GPR19: variants seen among roughly 807,000 people sequenced by gnomAD.
GPR19 encodes probable G protein-coupled receptor 19.
A neutral mutation model predicts 28.5 loss-of-function variants in GPR19; 14 were observed. The observed-to-expected ratio is 0.49, with a 90% CI of 0.32 to 0.77. GPR19 has a LOEUF of 0.77. Among genes scored for constraint, GPR19 ranks in the 30% least tolerant of loss-of-function variants. The pLI is 0.03. For synonymous variants in GPR19, 173 were observed against 184.1 expected, an observed-to-expected ratio of 0.94 and a Z score of 0.49; for missense variants, 409 against 504.1, an observed-to-expected ratio of 0.81 and a Z score of 1.81.
At chr12:12,690,688 T>C (rs1946167722) in intron 2 of GPR19, among the ~76,000 whole-genome samples, 1 of 152,198 alleles carries the variant, frequency 6.6e-6, no homozygotes, top group African/African-American at 2.4e-5. Flanking sequence ...TCACATGTCC[T>C]TATAAATTCA....
At chr12:12,672,254 A>G (rs1203923179) in intron 3 of GPR19, among the ~76,000 whole-genome samples, 4 of 152,208 alleles carry the variant, frequency 2.6e-5, no homozygotes, top group African/African-American at 9.7e-5. Flanking sequence ...TCGTGTTGGC[A>G]TCTCTTTGGG....
At chr12:12,685,283 G>A (rs967327078) in intron 2 of GPR19, among the ~76,000 whole-genome samples, 1 of 100,552 alleles carries the variant, frequency 9.9e-6, no homozygotes, top group Admixed American at 9.8e-5. Flanking sequence ...TTTTTTTGGT[G>A]GGGGGGAGGG....
At chr12:12,697,722 C>T (rs1008436648), upstream of GPR19, among the ~76,000 whole-genome samples, 7 of 152,180 alleles carry the variant, frequency 4.6e-5, no homozygotes, top group Admixed American at 6.5e-5. Flanking sequence ...TGTCCAGCAT[C>T]GGTCACAGAA....
chr12:12,681,394 T>C (rs1239425296), intron 3 of GPR19, among the ~76,000 whole-genome samples: 3 of 152,184 alleles, frequency 2.0e-5, no homozygotes, highest in African/African-American at 7.2e-5. Flanking sequence ...CCCTCACCTC[T>C]AGGTTGAAAT....
chr12:12,677,630 T>C (rs1945951738), intron 3 of GPR19, among the ~76,000 whole-genome samples: 1 of 152,212 alleles, frequency 6.6e-6, no homozygotes, highest in Non-Finnish European at 1.5e-5. Context: ...GGACAAATTA[T>C]GTGACTATAT....
At chr12:12,708,482 A>C in the GPR19 span, among the ~76,000 whole-genome samples, 3 of 152,138 alleles carry the variant, frequency 2.0e-5, no homozygotes, top group African/African-American at 7.2e-5. Flanking sequence ...TGTTTTGTGA[A>C]TAGTGCATTC....
intron 3 of GPR19, among the ~76,000 whole-genome samples, chr12:12,681,402 A>C (rs1008560737): frequency 2.6e-5 from 4 of 152,178 alleles, no homozygotes; most frequent in African/African-American, 9.7e-5. Context: ...TCTAGGTTGA[A>C]ATCATACTTG....
chr12:12,703,888 A>G, the GPR19 span, among the ~76,000 whole-genome samples: 1 of 152,204 alleles, frequency 6.6e-6, no homozygotes, highest in African/African-American at 2.4e-5. Flanking sequence ...CTGGGTGCTA[A>G]TTACCTACTT....
At chr12:12,711,837 T>A in the GPR19 span, among the ~76,000 whole-genome samples, 1 of 152,322 alleles carries the variant, frequency 6.6e-6, no homozygotes, top group East Asian at 1.9e-4. Context: ...TCTCTCTCAA[T>A]CCTCTTATAT....
the GPR19 span, among the ~76,000 whole-genome samples, chr12:12,708,024 C>G: frequency 1.3e-5 from 1 of 77,122 alleles, no homozygotes; most frequent in Non-Finnish European, 2.4e-5. Flanking sequence ...TTTTGAGATA[C>G]GGCCTAGCTC....
chr12:12,663,226 T>C lies in GPR19; in HGVS notation c.-22-756A>G, dbSNP rs999883014. Among the ~76,000 whole-genome samples the C allele has an allele frequency of 3.3e-5, 5 of 152,212 alleles. 1 individual carries two copies. Among genetic ancestry groups the C allele is most frequent in the East Asian group, 3.8e-4 (2 of 5,196 alleles). ...TTCATAAAATACTGACTGAAGAACA[T>C]ACAAGATGTCCTCTAAGAAATGTAA... On this transcript the variant is annotated intron_variant, in intron 3 of 3. Coordinates refer to ENST00000651487, the MANE Select transcript of GPR19 (RefSeq NM_006143.3).
the GPR19 span, among the ~76,000 whole-genome samples, chr12:12,707,953 G>A: frequency 1.5e-5 from 2 of 135,510 alleles, no homozygotes; most frequent in Non-Finnish European, 3.1e-5. Context: ...TTATGTGTGT[G>A]ATCATGAATC....
chr12:12,674,675 T>C (rs1945905631), intron 3 of GPR19, among the ~76,000 whole-genome samples: 1 of 152,158 alleles, frequency 6.6e-6, no homozygotes, highest in Admixed American at 6.5e-5. Flanking sequence ...ATATGTACAT[T>C]TGGAAAAATC....
the GPR19 span, among the ~76,000 whole-genome samples, chr12:12,705,408 C>T: frequency 2.6e-5 from 4 of 152,186 alleles, no homozygotes; most frequent in Non-Finnish European, 5.9e-5. Flanking sequence ...ACAGAAGATG[C>T]TGTTCTACAG....
At chr12:12,678,854 T>C (rs1328727671) in intron 3 of GPR19, among the ~76,000 whole-genome samples, 1 of 152,184 alleles carries the variant, frequency 6.6e-6, no homozygotes, top group Admixed American at 6.5e-5. Context: ...TGGAGTGCAG[T>C]GGTGTCATCC....
At position 12,684,411 on chromosome 12, in the gene GPR19, T is replaced by C. The variant is rs538668447; in HGVS notation, c.-83A>G. 3.4e-4 allele frequency: 52 copies of C among 152,362 alleles called. No homozygotes were observed. The highest frequency in any genetic ancestry group is 1.3e-3 in the African/African-American group (52 of 41,588). The allele number at this position is 152,362 out of a possible 1,614,324, so 9.4% of individuals were successfully genotyped here. A position where few individuals can be genotyped will look rare whatever the true frequency, so the allele number is the denominator to read the frequency against. On this transcript the variant is annotated 5_prime_UTR_variant, in exon 3 of 4. Transcript: ENST00000651487. Reference sequence around the variant, plus strand: ...AGATCTTCTTGGTCAGGAATAGCCCTTGCATAGGAGTTTGGAGAATGCCAT... The same window carrying C: ...AGATCTTCTTGGTCAGGAATAGCCCCTGCATAGGAGTTTGGAGAATGCCAT...
the GPR19 span, among the ~76,000 whole-genome samples, chr12:12,711,985 C>T: frequency 6.6e-6 from 1 of 152,210 alleles, no homozygotes; most frequent in African/African-American, 2.4e-5. Context: ...TCTCTCCAGG[C>T]TCATCACACC....
Position 12,679,737 on chromosome 12 carries a change from A to G in GPR19, c.-23+4614T>C, listed in dbSNP as rs568555447. 1.4e-4 allele frequency among the ~76,000 whole-genome samples: 22 copies of G among 152,224 alleles called. No individual in the cohort carries two copies. In the South Asian group the frequency reaches 4.4e-3, roughly 30 times the overall value. ...CACGACAAAGAATTATCTGGCCCCA[A>G]ATGCCAATAGTGCTAAGGTTGAGAA... On this transcript the variant is annotated intron_variant, in intron 3 of 3. Coordinates refer to ENST00000651487, the MANE Select transcript of GPR19 (RefSeq NM_006143.3).
chr12:12,708,426 G>T, the GPR19 span, among the ~76,000 whole-genome samples: 2 of 151,934 alleles, frequency 1.3e-5, no homozygotes, highest in African/African-American at 4.8e-5. Context: ...TTTTTTCAAA[G>T]ATGCCATTTT....
Sources: allele counts gnomAD v4.1 joint callset (sites outside exome capture counted in the v4.1 genomes callset), GRCh38; gene constraint gnomAD v4.1.1; transcripts MANE v1.5; gene names NCBI Gene and HGNC (gene_info 2026-07-23, HGNC 2026-07-21).